The following CPQ variants were observed in gnomAD, a reference collection of about 807,000 sequenced individuals.
CPQ encodes carboxypeptidase Q.
CPQ carries 37 observed loss-of-function variants against 45.7 expected under a neutral mutation model. The observed-to-expected ratio is 0.81, with a 90% CI of 0.62 to 1.07. CPQ has a LOEUF of 1.07. Among genes scored for constraint, CPQ ranks in the 50% least tolerant of loss-of-function variants. CPQ has a pLI of 0.00. For missense variants in CPQ, 537 were observed against 572.9 expected, an observed-to-expected ratio of 0.94 and a Z score of 0.64; for synonymous variants, 186 against 205.8, an observed-to-expected ratio of 0.90 and a Z score of 0.82.
intron 1 of CPQ, among the ~76,000 whole-genome samples, chr8:96,739,884 G>A (rs1417912077): frequency 2.0e-5 from 3 of 152,142 alleles, no homozygotes; most frequent in Admixed American, 2.0e-4. Context: ...ATAGTTTGAA[G>A]TCAGGTAGTG....
Position 96,722,420 on chromosome 8 carries a change from GT to G in CPQ, c.-34-62434del, listed in dbSNP as rs112835923. Reference sequence around the variant, plus strand: ...GTTTTATTGAAATATAACCATACCAGTTTTTTTTTTCACATATTATCTATCT... The same window carrying G: ...GTTTTATTGAAATATAACCATACCAGTTTTTTTTTCACATATTATCTATCT... On this transcript the variant is annotated intron_variant, in intron 1 of 7. Transcript: ENST00000220763. Among the ~76,000 whole-genome samples, 187 of 149,334 alleles carry G rather than the reference GT, an allele frequency of 1.3e-3. 2 individuals carry two copies. The highest frequency in any genetic ancestry group is 7.8e-3 in the South Asian group (37 of 4,738).
chr8:96,914,516 G>C (rs1812707068), intron 4 of CPQ, among the ~76,000 whole-genome samples: 1 of 152,254 alleles, frequency 6.6e-6, no homozygotes, highest in Middle Eastern at 3.4e-3. Flanking sequence ...ATTGACTTGT[G>C]TCCACAAATC....
At chr8:96,912,588 T>A (rs933441361) in intron 4 of CPQ, among the ~76,000 whole-genome samples, 1 of 152,218 alleles carries the variant, frequency 6.6e-6, no homozygotes, top group African/African-American at 2.4e-5. Context: ...ATCAGACATG[T>A]GCTAGCCAAA....
chr8:97,110,984 G>A (rs1347168066), intron 7 of CPQ, among the ~76,000 whole-genome samples: 1 of 152,158 alleles, frequency 6.6e-6, no homozygotes, highest in Non-Finnish European at 1.5e-5. Flanking sequence ...ATTCATAGTG[G>A]CAAGTGATAC....
intron 1 of CPQ, among the ~76,000 whole-genome samples, chr8:96,698,612 T>C (rs1809416384): frequency 1.3e-5 from 2 of 152,142 alleles, no homozygotes; most frequent in African/African-American, 4.8e-5. Flanking sequence ...AAGGGATTAA[T>C]AGCCATAATA....
intron 7 of CPQ, among the ~76,000 whole-genome samples, chr8:97,142,304 T>C (rs983781834): frequency 5.3e-5 from 8 of 152,074 alleles, no homozygotes; most frequent in African/African-American, 1.9e-4. Context: ...TAAGAGACAA[T>C]GAAGTTTCCC....
At chr8:96,649,166 G>A (rs1399319585) in intron 1 of CPQ, among the ~76,000 whole-genome samples, 3 of 152,138 alleles carry the variant, frequency 2.0e-5, no homozygotes, top group East Asian at 1.9e-4. Flanking sequence ...TAGTAGAGAC[G>A]GGACTTTGCC....
At chr8:96,945,677 T>G (rs1813179954) in intron 4 of CPQ, among the ~76,000 whole-genome samples, 1 of 151,900 alleles carries the variant, frequency 6.6e-6, no homozygotes, top group African/African-American at 2.4e-5. Context: ...AATTACAACA[T>G]ATTTCTATAA....
At chr8:96,914,755 A>G (rs1011325151) in intron 4 of CPQ, among the ~76,000 whole-genome samples, 10 of 152,150 alleles carry the variant, frequency 6.6e-5, no homozygotes, top group African/African-American at 2.4e-4. Context: ...CCCCACCTCC[A>G]GCACACCGAA....
chr8:96,667,466 A>G (rs1394318311), intron 1 of CPQ, among the ~76,000 whole-genome samples: 1 of 150,550 alleles, frequency 6.6e-6, no homozygotes, highest in African/African-American at 2.5e-5. Flanking sequence ...CTGCTGCCTC[A>G]GCCTCCCATG....
chr8:96,894,986 C>G (rs1269016490), intron 4 of CPQ, among the ~76,000 whole-genome samples: 1 of 152,072 alleles, frequency 6.6e-6, no homozygotes, highest in Non-Finnish European at 1.5e-5. Context: ...GAGAATTGGC[C>G]AAATTGACTC....
At chr8:96,877,742 T>C (rs1812166267) in intron 3 of CPQ, among the ~76,000 whole-genome samples, 1 of 152,156 alleles carries the variant, frequency 6.6e-6, no homozygotes, top group South Asian at 2.1e-4. Context: ...ACTTTACAAA[T>C]GCGGAAATTT....
chr8:96,726,309 T>G (rs1809838909), intron 1 of CPQ, among the ~76,000 whole-genome samples: 1 of 152,176 alleles, frequency 6.6e-6, no homozygotes, highest in Admixed American at 6.5e-5. Context: ...ATTAATGGAT[T>G]AATGGTATAA....
chr8:96,821,126 A>ATTTTTTTT (rs572906188), intron 2 of CPQ, among the ~76,000 whole-genome samples: 248 of 60,896 alleles, frequency 4.1e-3, no homozygotes, highest in Non-Finnish European at 5.2e-3. Context: ...TTTAATCTGA[A>ATTTTTTTT]TTTTTTTTTT....
At chr8:96,785,766 A>G (rs1185726217) in intron 2 of CPQ, among the ~76,000 whole-genome samples, 4 of 152,174 alleles carry the variant, frequency 2.6e-5, no homozygotes, top group African/African-American at 9.7e-5. Flanking sequence ...TATAGAACTG[A>G]GGCTTCTCCT....
At chr8:97,045,479 G>A (rs943043451) in intron 6 of CPQ, among the ~76,000 whole-genome samples, 5 of 152,134 alleles carry the variant, frequency 3.3e-5, no homozygotes, top group African/African-American at 7.2e-5. Flanking sequence ...GCTCGCGCAC[G>A]ACGCACTGCA....
intron 2 of CPQ, among the ~76,000 whole-genome samples, chr8:96,805,872 C>G (rs1811072221): frequency 6.6e-6 from 1 of 151,876 alleles, no homozygotes; most frequent in Non-Finnish European, 1.5e-5. Flanking sequence ...ATTCCCTCCA[C>G]CATAGAACTT....
intron 1 of CPQ, among the ~76,000 whole-genome samples, chr8:96,713,750 G>A (rs1193489051): frequency 6.6e-6 from 1 of 152,138 alleles, no homozygotes; most frequent in Admixed American, 6.5e-5. Flanking sequence ...TGAGTTTTAT[G>A]CTTTCAAGAG....
At chr8:96,712,412 C>T (rs183157997) in intron 1 of CPQ, among the ~76,000 whole-genome samples, 2 of 152,294 alleles carry the variant, frequency 1.3e-5, no homozygotes, top group African/African-American at 2.4e-5. Flanking sequence ...TCCACATCAC[C>T]CTAGCAGAGG....
Sources: gnomAD v4.1 joint callset for allele counts (sites outside exome capture counted in the v4.1 genomes callset) on GRCh38, gnomAD v4.1.1 for gene constraint, MANE v1.5 for transcripts, NCBI Gene and HGNC (gene_info 2026-07-23, HGNC 2026-07-21) for gene names.